The following PPP6R3 variants were observed in gnomAD, a reference collection of about 807,000 sequenced individuals.
PPP6R3 encodes the protein protein phosphatase 6 regulatory subunit 3, also known as serine/threonine-protein phosphatase 6 regulatory subunit 3.
A neutral mutation model predicts 110.7 loss-of-function variants in PPP6R3; 38 were observed. The ratio of observed to expected loss-of-function variants is 0.34; its 90% CI spans 0.26 to 0.45. The LOEUF (loss-of-function observed/expected upper bound fraction) is 0.45, where lower values mean the gene tolerates loss of function less well. Ranked by LOEUF, PPP6R3 falls within the 20% of genes least tolerant of loss-of-function variation. The probability of loss-of-function intolerance (pLI) is 1.00; values close to 1 mark genes in which losing one functional copy is unlikely to be tolerated. For synonymous variants in PPP6R3, 369 were observed against 373.5 expected (o/e 0.99, Z 0.14); for missense variants, 870 against 1,062.4 (o/e 0.82, Z 2.52).
Position 68,613,270 on chromosome 11 carries a change from T to C in PPP6R3, c.*153T>C, listed in dbSNP as rs921420894. ...CCTTTATATTCTAGATTCTAAGACA[T>C]TGTACAGAGAAATTCAGAAGTGTAA... On this transcript the variant is annotated 3_prime_UTR_variant, in exon 24 of 24. Transcript: ENST00000393800. 4.3e-6 allele frequency: 6 copies of C among 1,401,496 alleles called. No individual in the cohort carries two copies. Among genetic ancestry groups the C allele is most frequent in the East Asian group, 2.7e-5 (1 of 37,536 alleles). 86.8% of individuals were successfully genotyped at this position (1,401,496 alleles called of 1,614,324 possible).
intron 22 of PPP6R3, 144 bp downstream of exon 22, chr11:68,603,636 CAATA>C: frequency 9.5e-7 from 1 of 1,050,584 alleles, no homozygotes; most frequent in Non-Finnish European, 1.4e-6. Flanking sequence ...CCATTAAACA[CAATA>C]AATCTTAATG....
chr11:68,554,307 A>G lies in PPP6R3; in HGVS notation c.731+50A>G, dbSNP rs201883653. The G allele has an allele frequency of 5.8e-6, 8 of 1,387,096 alleles. No homozygotes were observed. In the African/African-American group the frequency reaches 1.0e-4, roughly 17 times the overall value. 85.9% of individuals were successfully genotyped at this position (1,387,096 alleles called of 1,614,324 possible). A position where few individuals can be genotyped will look rare whatever the true frequency, so the allele number is the denominator to read the frequency against. On this transcript the variant is annotated intron_variant, in intron 7 of 23. Coordinates refer to ENST00000393800, the MANE Select transcript of PPP6R3 (RefSeq NM_001164161.2). ...TCTTCTTTCATATTGATGCTGTTCC[A>G]TGTGTTACCATTGTGAGTGATTGGT...
At chr11:68,494,856 A>T (rs1166679381) in intron 1 of PPP6R3, among the ~76,000 whole-genome samples, 1 of 152,180 alleles carries the variant, frequency 6.6e-6, no homozygotes, top group East Asian at 1.9e-4. Context: ...CAAGCCCCTT[A>T]AAAACAAATT....
At chr11:68,511,955 C>T (rs1192230166) in intron 1 of PPP6R3, among the ~76,000 whole-genome samples, 1 of 152,180 alleles carries the variant, frequency 6.6e-6, no homozygotes, top group Admixed American at 6.5e-5. Flanking sequence ...CTTTTTACCT[C>T]TTTCTCCCCA....
chr11:68,523,545 A>G (rs1421497953), intron 2 of PPP6R3, among the ~76,000 whole-genome samples: 1 of 151,538 alleles, frequency 6.6e-6, no homozygotes, highest in Non-Finnish European at 1.5e-5. Context: ...CCACCACTAG[A>G]AGGTTTAGAT....
At chr11:68,546,208 A>G (rs1304778900) in intron 4 of PPP6R3, among the ~76,000 whole-genome samples, 1 of 152,148 alleles carries the variant, frequency 6.6e-6, no homozygotes, top group Non-Finnish European at 1.5e-5. Context: ...ATTAATGTAG[A>G]TTGTCTCTTT....
At chr11:68,501,436 C>T (rs909883440) in intron 1 of PPP6R3, among the ~76,000 whole-genome samples, 4 of 152,230 alleles carry the variant, frequency 2.6e-5, no homozygotes, top group Admixed American at 1.3e-4. Context: ...AAATGATTCT[C>T]GTGCCTCAGC....
rs373332315 is a variant in PPP6R3, at chr11:68,570,071, T to C, written c.1278+174T>C. On this transcript the variant is annotated intron_variant, in intron 11 of 23. Transcript: ENST00000393800. ...CATATAAATCATTATATAAATCAAG[T>C]ACTGGACAAATAACTATTAAATGAA... Among the ~76,000 whole-genome samples, 20 of 152,308 alleles carry C rather than the reference T, an allele frequency of 1.3e-4. No homozygotes were observed. The East Asian group carries it at 1.7e-3, about 13-fold the overall frequency.
At chr11:68,599,946 A>C (rs1566129203) in intron 19 of PPP6R3, among the ~76,000 whole-genome samples, 1 of 152,048 alleles carries the variant, frequency 6.6e-6, no homozygotes, top group African/African-American at 2.4e-5. Context: ...ACACAGTGAA[A>C]CCTGTCTCTA....
In PPP6R3 at chr11:68,558,587, T is replaced by C. The variant is rs753978075; in HGVS notation, c.753T>C (p.Leu251=). Residue 251 remains leucine (L), a synonymous_variant, in exon 8 of 24, where the codon CTT becomes CTC. Coordinates refer to ENST00000393800, the MANE Select transcript of PPP6R3 (RefSeq NM_001164161.2). ...CTAGGCAAGAAATTATAGAGCAGCT[T>C]CTATCAAATATTTTCCACAAGGAGA... ...TLEKQEIIEQ[L]LSNIFHKEKN... 1 of 1,612,664 alleles carries C rather than the reference T, an allele frequency of 6.2e-7. No homozygotes were observed. Among genetic ancestry groups the C allele is most frequent in the South Asian group, 1.1e-5 (1 of 90,882 alleles).
At chr11:68,497,271 G>T (rs1331938747) in intron 1 of PPP6R3, among the ~76,000 whole-genome samples, 1 of 150,230 alleles carries the variant, frequency 6.7e-6, no homozygotes, top group Non-Finnish European at 1.5e-5. Context: ...AGCCAGGATG[G>T]TCTCGATCTC....
intron 1 of PPP6R3, among the ~76,000 whole-genome samples, chr11:68,508,540 T>C (rs537391305): frequency 2.0e-5 from 3 of 152,174 alleles, no homozygotes; most frequent in South Asian, 4.3e-4. Flanking sequence ...GGAAAAGTAC[T>C]TGCACAGTGC....
chr11:68,572,771 G>A (rs1430128265), intron 12 of PPP6R3, among the ~76,000 whole-genome samples: 1 of 152,020 alleles, frequency 6.6e-6, no homozygotes, highest in African/African-American at 2.4e-5. Context: ...GAGCCCAGGA[G>A]TTTGAAGCTG....
chr11:68,549,572 G>T (rs1275298859), intron 5 of PPP6R3, among the ~76,000 whole-genome samples: 1 of 152,180 alleles, frequency 6.6e-6, no homozygotes, highest in Non-Finnish European at 1.5e-5. Flanking sequence ...TTCCTTTTGG[G>T]TGTGTCTTTG....
At chr11:68,472,395 T>C (rs1288367773) in intron 1 of PPP6R3, among the ~76,000 whole-genome samples, 1 of 152,194 alleles carries the variant, frequency 6.6e-6, no homozygotes, top group African/African-American at 2.4e-5. Context: ...GAACGCTGCC[T>C]TAAACAAGTG....
chr11:68,479,863 C>T (rs555746255), intron 1 of PPP6R3, among the ~76,000 whole-genome samples: 5 of 152,038 alleles, frequency 3.3e-5, no homozygotes, highest in Admixed American at 6.6e-5. Context: ...CTCAGCCTCC[C>T]GAGTAGCTGG....
chr11:68,586,603 T>C (rs1347584399), intron 15 of PPP6R3: 1 of 152,300 alleles, frequency 6.6e-6, no homozygotes, highest in Non-Finnish European at 1.5e-5. Flanking sequence ...TGTGCTGTTG[T>C]CTTGCATGAG....
intron 15 of PPP6R3, chr11:68,587,425 A>G (rs889711447): frequency 6.3e-6 from 1 of 159,740 alleles, no homozygotes; most frequent in Non-Finnish European, 1.4e-5. Flanking sequence ...ATGTCCCTGA[A>G]CATTTTGTTT....
rs144783365 is a variant in PPP6R3 at position 68,553,113 on chromosome 11, G to A, written c.619-1032G>A. Among the ~76,000 whole-genome samples, 494 of 152,246 alleles carry A rather than the reference G, an allele frequency of 3.2e-3. 4 individuals are homozygous for A. Among genetic ancestry groups the A allele is most frequent in the African/African-American group, 0.011 (475 of 41,538 alleles). On this transcript the variant is annotated intron_variant, in intron 6 of 23. Transcript: ENST00000393800. ...CTCTCCTCTCTTCTAGAATATGAGT[G>A]TTCTGCCTGTATTGGGAGCACATTG...
Sources: gnomAD v4.1 joint callset for allele counts (sites outside exome capture counted in the v4.1 genomes callset) on GRCh38, gnomAD v4.1.1 for gene constraint, MANE v1.5 for transcripts, NCBI Gene and HGNC (gene_info 2026-07-23, HGNC 2026-07-21) for gene names.